The following CTPS2 variants were observed in gnomAD, a reference collection of about 807,000 sequenced individuals.
The protein encoded by CTPS2 is CTP synthase 2.
In CTPS2, 19 loss-of-function variants were observed where a neutral mutation model predicts 46.8. The observed-to-expected ratio is 0.41, with a 90% CI of 0.28 to 0.60. The LOEUF (loss-of-function observed/expected upper bound fraction) is 0.60. CTPS2 is among the 20% of genes least tolerant of loss of function. The pLI is 0.35. For missense variants in CTPS2, 286 were observed against 447.6 expected (o/e 0.64, Z 3.26); for synonymous variants, 151 against 165.2 (o/e 0.91, Z 0.66).
chrX:16,598,385 G>A (rs188546115), intron 17 of CTPS2, among the ~76,000 whole-genome samples: 8,858 of 110,779 alleles, frequency 0.08, 382 homozygotes, highest in Non-Finnish European at 0.12. Context: ...TATCACCACC[G>A]ATCCCACAGA....
intron 8 of CTPS2, among the ~76,000 whole-genome samples, chrX:16,688,968 G>A (rs372497779): frequency 3.4e-4 from 37 of 110,263 alleles, no homozygotes; most frequent in African/African-American, 1.0e-3. Context: ...GTGTGGTGGT[G>A]TGTGCCTCTA....
In CTPS2 at chrX:16,655,183, G is replaced by A. The variant is rs139965507; in HGVS notation, c.1296+12331C>T. ...GACGTCATGCTATCTCCCAGCACTC[G>A]CTGTGCTTTCTTAATGAATGACCCT... On this transcript the variant is annotated intron_variant, in intron 13 of 18. Coordinates refer to ENST00000359276, the MANE Select transcript of CTPS2 (RefSeq NM_175859.3). Among the ~76,000 whole-genome samples, 209 of 112,059 alleles carry A rather than the reference G, an allele frequency of 1.9e-3. 1 individual carries two copies. The highest frequency in any genetic ancestry group is 4.5e-3 in the African/African-American group (140 of 30,843).
At chrX:16,623,129 T>C (rs73448277) in intron 14 of CTPS2, among the ~76,000 whole-genome samples, 3,100 of 111,413 alleles carry the variant, frequency 0.028, 112 homozygotes, top group African/African-American at 0.095. Flanking sequence ...TTTTAAATTT[T>C]TGTGGGTATA....
At chrX:16,629,451 A>G (rs756595298) in intron 14 of CTPS2, among the ~76,000 whole-genome samples, 1 of 110,782 alleles carries the variant, frequency 9.0e-6, no homozygotes, top group Non-Finnish European at 1.9e-5. Context: ...ACAAATTACC[A>G]TGGCATGGAC....
intron 17 of CTPS2, among the ~76,000 whole-genome samples, chrX:16,603,432 TA>T (rs1448913213): frequency 2.9e-5 from 3 of 104,153 alleles, no homozygotes; most frequent in African/African-American, 1.1e-4. Context: ...AATAAATAAA[TA>T]AATAAATAAA....
chrX:16,621,873 A>G (rs1930860442), intron 14 of CTPS2, among the ~76,000 whole-genome samples: 1 of 111,454 alleles, frequency 9.0e-6, no homozygotes, highest in East Asian at 2.8e-4. Flanking sequence ...CTGAACTTCT[A>G]TTTGCAATTC....
At chrX:16,647,510 C>T (rs1932384513) in intron 13 of CTPS2, among the ~76,000 whole-genome samples, 3 of 108,457 alleles carry the variant, frequency 2.8e-5, no homozygotes, top group South Asian at 8.1e-4. Context: ...TCAGGTGATC[C>T]GCCCACCTCG....
chrX:16,603,399 G>C (rs776306205), intron 17 of CTPS2, among the ~76,000 whole-genome samples: 1 of 102,246 alleles, frequency 9.8e-6, no homozygotes, highest in East Asian at 3.0e-4. Flanking sequence ...CTGGGCAACA[G>C]AGTGAGACTT....
At position 16,672,881 on chromosome X, in the gene CTPS2, C is replaced by CTTTTT. The variant is rs1185799196; in HGVS notation, c.1095-2212_1095-2208dup. 1.9e-3 allele frequency among the ~76,000 whole-genome samples: 132 copies of CTTTTT among 69,560 alleles called. 3 individuals are homozygous for CTTTTT. Among genetic ancestry groups the CTTTTT allele is most frequent in the African/African-American group, 7.7e-3 (115 of 14,843 alleles). 60.4% of individuals were successfully genotyped at this position (69,560 alleles called of 115,157 possible). On this transcript the variant is annotated intron_variant, in intron 10 of 18. Coordinates refer to ENST00000359276, the MANE Select transcript of CTPS2 (RefSeq NM_175859.3). ...GGTAAAAAGGATTTGTGAGGCTACT[C>CTTTTT]TTTTTTTTTTTTTTTTTTTTTTTGA...
intron 13 of CTPS2, among the ~76,000 whole-genome samples, chrX:16,660,806 G>A (rs1189158269): frequency 1.8e-5 from 2 of 111,048 alleles, no homozygotes; most frequent in African/African-American, 6.5e-5. Context: ...ACCGTGCCCA[G>A]GCAAGAACTT....
At chrX:16,646,541 T>C (rs1399202199) in intron 13 of CTPS2, among the ~76,000 whole-genome samples, 2 of 112,261 alleles carry the variant, frequency 1.8e-5, no homozygotes, top group Non-Finnish European at 3.8e-5. Context: ...CAGGCAAAGG[T>C]TGGAAGTGAA....
chrX:16,610,546 A>G, intron 16 of CTPS2, among the ~76,000 whole-genome samples: 1 of 112,280 alleles, frequency 8.9e-6, no homozygotes, highest in Non-Finnish European at 1.9e-5. Context: ...GTCAAAAAAC[A>G]GCAGATGCTG....
chrX:16,632,302 G>C (rs939155027), intron 14 of CTPS2, among the ~76,000 whole-genome samples: 2 of 111,886 alleles, frequency 1.8e-5, no homozygotes, highest in African/African-American at 6.5e-5. Flanking sequence ...TTTTTAAAAG[G>C]AGAAAAATGA....
intron 13 of CTPS2, among the ~76,000 whole-genome samples, chrX:16,666,101 C>T (rs1204730694): frequency 8.9e-6 from 1 of 112,013 alleles, no homozygotes; most frequent in East Asian, 2.8e-4. Context: ...AATTGTATCT[C>T]AATAAAGCTG....
intron 8 of CTPS2, among the ~76,000 whole-genome samples, chrX:16,684,571 AC>A (rs1423483388): frequency 2.7e-5 from 3 of 110,514 alleles, no homozygotes; most frequent in African/African-American, 9.9e-5. Flanking sequence ...TACAAGAGAA[AC>A]TAGATCACAA....
chrX:16,670,426 G>C (rs954946764), intron 11 of CTPS2, among the ~76,000 whole-genome samples, 154 bp downstream of exon 11: 18 of 112,045 alleles, frequency 1.6e-4, no homozygotes, highest in African/African-American at 5.8e-4. Context: ...GCCAAATTTA[G>C]AATATAGTTT....
intron 17 of CTPS2, among the ~76,000 whole-genome samples, chrX:16,593,352 C>G (rs1312989933): frequency 9.5e-6 from 1 of 105,626 alleles, no homozygotes; most frequent in East Asian, 3.0e-4. Flanking sequence ...TGGCGTGAAC[C>G]CGGGAGGCGG....
At chrX:16,672,955 C>T (rs1297080970) in intron 10 of CTPS2, among the ~76,000 whole-genome samples, 1 of 91,753 alleles carries the variant, frequency 1.1e-5, no homozygotes, top group Non-Finnish European at 2.1e-5. Flanking sequence ...GGCGGGATCT[C>T]GGCTCACTGC....
At chrX:16,683,009 G>T (rs1922867121) in intron 9 of CTPS2, 85 bp downstream of exon 9, 2 of 1,058,201 alleles carry the variant, frequency 1.9e-6, no homozygotes, top group South Asian at 2.0e-5. Context: ...TGATCTCAGG[G>T]ACCCTTTAAC....
Sources: gnomAD v4.1 joint callset for allele counts (sites outside exome capture counted in the v4.1 genomes callset) on GRCh38, gnomAD v4.1.1 for gene constraint, MANE v1.5 for transcripts, NCBI Gene and HGNC (gene_info 2026-07-23, HGNC 2026-07-21) for gene names.